Variants in BST1 observed in about 807,000 individuals in gnomAD.
BST1 encodes the protein ADP-ribosyl cyclase/cyclic ADP-ribose hydrolase 2.
Under a neutral mutation model 40.6 loss-of-function variants are expected in BST1, and 49 were observed. The observed-to-expected ratio is 1.21, with a 90% confidence interval of 0.96 to 1.53. BST1 has a LOEUF of 1.53. Ranked by LOEUF, BST1 falls within the 40% of genes most tolerant of loss-of-function variation. BST1 has a pLI of 0.00. For missense variants in BST1, 423 were observed against 395.9 expected, an observed-to-expected ratio of 1.07 and a Z score of -0.58; for synonymous variants, 157 against 159.3, an observed-to-expected ratio of 0.99 and a Z score of 0.11.
At chr4:15,731,702 A>G in intron 8 of BST1, 38 bp from the exon 9 acceptor site, 1 of 1,587,450 alleles carries the variant, frequency 6.3e-7, no homozygotes, top group Non-Finnish European at 8.6e-7. Flanking sequence ...TCCATACACC[A>G]ATACTGACAC....
chr4:15,758,162 T>C, the BST1 span, among the ~76,000 whole-genome samples: 1 of 152,046 alleles, frequency 6.6e-6, no homozygotes, highest in African/African-American at 2.4e-5. Context: ...TTTATTTTAG[T>C]TTCAGGGGGT....
downstream of BST1, among the ~76,000 whole-genome samples, chr4:15,738,673 C>T (rs753345028): frequency 6.6e-5 from 10 of 152,214 alleles, no homozygotes; most frequent in East Asian, 1.9e-4. Flanking sequence ...AGCTTCCACA[C>T]GATTGTTACA....
downstream of BST1, among the ~76,000 whole-genome samples, chr4:15,740,245 A>G (rs1721711744): frequency 6.6e-6 from 1 of 152,090 alleles, no homozygotes; most frequent in South Asian, 2.1e-4. Context: ...TTTGCTAGAG[A>G]CGGGGTTTTG....
chr4:15,770,459 C>A, the BST1 span, among the ~76,000 whole-genome samples: 7 of 152,142 alleles, frequency 4.6e-5, no homozygotes, highest in Admixed American at 3.9e-4. Flanking sequence ...AATCCCAGAA[C>A]TTTGGGAGGC....
In BST1 at chr4:15,729,644, T is replaced by A. The variant is rs1721281481; in HGVS notation, c.852-2096T>A. On this transcript the variant is annotated intron_variant, in intron 8 of 8. Transcript: ENST00000265016. ...AATTAGGCTTTTGAGTATATAAATG[T>A]AATAACAAGAATCAATTTTAAAAAT... Among the ~76,000 whole-genome samples, 5 of 152,234 alleles carry A rather than the reference T, an allele frequency of 3.3e-5. No homozygotes were observed. The South Asian group carries it at 6.2e-4, about 19-fold the overall frequency.
At chr4:15,711,919 A>C in intron 4 of BST1, 30 bp downstream of exon 4, 2 of 1,585,152 alleles carry the variant, frequency 1.3e-6, no homozygotes, top group Non-Finnish European at 1.7e-6. Context: ...TGAGTGGTTG[A>C]GCATGTGTGG....
At chr4:15,704,879 G>GTC (rs34490308) in intron 1 of BST1, 308,803 of 747,298 alleles carry the variant, frequency 0.41, 65,475 homozygotes, top group African/African-American at 0.57. Flanking sequence ...TGTTTGTGAT[G>GTC]TCTTTCTTGT....
At chr4:15,704,216 A>G (rs1719745734) in intron 1 of BST1, among the ~76,000 whole-genome samples, 2 of 121,638 alleles carry the variant, frequency 1.6e-5, no homozygotes, top group African/African-American at 3.3e-5. Context: ...GTGTATGTGT[A>G]TTCTAGAGCT....
the BST1 span, among the ~76,000 whole-genome samples, chr4:15,753,752 C>T: frequency 1.3e-5 from 2 of 152,222 alleles, no homozygotes; most frequent in Non-Finnish European, 2.9e-5. Context: ...AGATAGCACA[C>T]TCAAATCAGG....
chr4:15,719,118 C>T (rs1194553320), intron 7 of BST1, 125 bp downstream of exon 7: 4 of 765,288 alleles, frequency 5.2e-6, no homozygotes, highest in Non-Finnish European at 8.1e-6. Context: ...GGTGGCTTCT[C>T]GGTGTGGAGG....
rs1291342038 is a variant in BST1, at chr4:15,711,868, T to G, written c.513T>G (p.Phe171Leu). 1.2e-6 allele frequency: 2 copies of G among 1,614,084 alleles called. No homozygotes were observed. The highest frequency in any genetic ancestry group is 1.7e-5 in the Admixed American group (1 of 60,022). The change falls in exon 4 of 9, where the codon TTT becomes TTG. Residue 171 changes from phenylalanine (F) to leucine (L), a missense_variant. By Grantham distance (22) the Phe-to-Leu change is conservative. Coordinates refer to ENST00000265016, the MANE Select transcript of BST1 (RefSeq NM_004334.3). ...EDCENNPVDSFWKRASIQYSK... is the reference protein window; with the variant it reads ...EDCENNPVDSLWKRASIQYSK... The stretch of plus-strand genomic sequence containing the variant: ...GTGAAAATAATCCTGTGGATTCCTT[T>G]TGGAAAAGGGCATCCATCCAGGTAA...
the BST1 span, among the ~76,000 whole-genome samples, chr4:15,752,062 G>A: frequency 3.9e-5 from 6 of 152,182 alleles, no homozygotes; most frequent in African/African-American, 1.4e-4. Context: ...CAAGAGAGGT[G>A]TATGATCAGA....
At chr4:15,706,253 T>G (rs1719877657) in intron 2 of BST1, among the ~76,000 whole-genome samples, 1 of 152,180 alleles carries the variant, frequency 6.6e-6, no homozygotes, top group Non-Finnish European at 1.5e-5. Context: ...AGTTAGCAAG[T>G]TAGTGTGAGA....
At chr4:15,734,254 C>T (rs140621491), downstream of BST1, among the ~76,000 whole-genome samples, 1 of 152,236 alleles carries the variant, frequency 6.6e-6, no homozygotes, top group Non-Finnish European at 1.5e-5. Context: ...GATGGAGCTG[C>T]TCTGTGTCTT....
chr4:15,743,309 C>A (rs1424958251), downstream of BST1: 4 of 333,520 alleles, frequency 1.2e-5, no homozygotes, highest in Admixed American at 1.3e-4. Context: ...AACAGCTAAA[C>A]AGAACAAAAA....
chr4:15,739,554 CGTGTGTGTGTGT>C (rs58171340), downstream of BST1, among the ~76,000 whole-genome samples: 10,851 of 144,016 alleles, frequency 0.075, 622 homozygotes, highest in East Asian at 0.32. Flanking sequence ...GAAGCCAAAC[CGTGTGTGTGTGT>C]GTGTGTGTGT....
downstream of BST1, among the ~76,000 whole-genome samples, chr4:15,741,785 G>C (rs1369025379): frequency 2.0e-5 from 3 of 152,174 alleles, no homozygotes. Flanking sequence ...TTGCAGAGTT[G>C]AGCAGTGGCA....
chr4:15,707,834 A>ACTCT (rs146353876), intron 3 of BST1, among the ~76,000 whole-genome samples, 188 bp downstream of exon 3: 39,687 of 106,812 alleles, frequency 0.37, 7,798 homozygotes, highest in Middle Eastern at 0.45. Flanking sequence ...CAGTCTAAGC[A>ACTCT]CTCTCTCTCT....
At chr4:15,758,994 G>T in the BST1 span, among the ~76,000 whole-genome samples, 1 of 151,850 alleles carries the variant, frequency 6.6e-6, no homozygotes, top group Non-Finnish European at 1.5e-5. Context: ...ATGGCTAAGA[G>T]TCAATGCTTG....
Sources: allele counts gnomAD v4.1 joint callset (sites outside exome capture counted in the v4.1 genomes callset), GRCh38; gene constraint gnomAD v4.1.1; transcripts MANE v1.5; gene names NCBI Gene and HGNC (gene_info 2026-07-23, HGNC 2026-07-21).